The following PTPRO variants were observed in gnomAD, a reference collection of about 807,000 sequenced individuals.
The protein encoded by PTPRO is protein tyrosine phosphatase receptor type O.
In PTPRO, 62 loss-of-function variants were observed where a neutral mutation model predicts 145.2. The ratio of observed to expected loss-of-function variants is 0.43; its 90% CI spans 0.35 to 0.53. The LOEUF is 0.53. Ranked by LOEUF, PTPRO falls within the 20% of genes least tolerant of loss-of-function variation. PTPRO has a pLI of 0.01. For synonymous variants in PTPRO, 565 were observed against 514.7 expected, an observed-to-expected ratio of 1.10 and a Z score of -1.32; for missense variants, 1,345 against 1,482.7, an observed-to-expected ratio of 0.91 and a Z score of 1.53.
intron 12 of PTPRO, among the ~76,000 whole-genome samples, chr12:15,527,679 C>A (rs1189961787): frequency 6.6e-6 from 1 of 152,100 alleles, no homozygotes; most frequent in Non-Finnish European, 1.5e-5. Flanking sequence ...AGAGCCAAGG[C>A]AAATCTGGAC....
intron 1 of PTPRO, among the ~76,000 whole-genome samples, chr12:15,409,481 C>A (rs1458540847): frequency 2.0e-5 from 3 of 152,138 alleles, no homozygotes; most frequent in African/African-American, 7.2e-5. Flanking sequence ...AGGACGTATT[C>A]TTCCATCGTC....
chr12:15,354,182 A>G (rs903757658), intron 1 of PTPRO, among the ~76,000 whole-genome samples: 3 of 152,170 alleles, frequency 2.0e-5, no homozygotes, highest in African/African-American at 7.2e-5. Flanking sequence ...GGTCTGCCAC[A>G]ATGGGCTGCA....
At chr12:15,445,390 T>C (rs1186567722) in intron 1 of PTPRO, among the ~76,000 whole-genome samples, 2 of 152,192 alleles carry the variant, frequency 1.3e-5, no homozygotes. Context: ...TAAGTGCTTT[T>C]ATAAATGGCT....
At chr12:15,566,191 G>A (rs947959161) in intron 18 of PTPRO, among the ~76,000 whole-genome samples, 1 of 152,138 alleles carries the variant, frequency 6.6e-6, no homozygotes, top group Non-Finnish European at 1.5e-5. Context: ...GATTTCAAAA[G>A]CCTATTAGAT....
intron 1 of PTPRO, among the ~76,000 whole-genome samples, chr12:15,405,842 A>G (rs1939633752): frequency 6.6e-6 from 1 of 152,212 alleles, no homozygotes; most frequent in South Asian, 2.1e-4. Context: ...ATGGACCAAT[A>G]CAGTTACCAA....
chr12:15,322,885 C>G lies in PTPRO; in HGVS notation c.75+84C>G. ...GCCCTCGCTCTGCCGTTGGGAGCGG[C>G]GCGCCCCAGGGCACGATGGCCCAGC... On this transcript the variant is annotated intron_variant, in intron 1 of 26. Coordinates refer to ENST00000281171, the MANE Select transcript of PTPRO (RefSeq NM_030667.3). This position sits in a 1 kb window ranked among gnomAD's most constrained non-coding sequence, Gnocchi z 6.3. The G allele has an allele frequency of 1.4e-6, 2 of 1,426,912 alleles. No homozygotes were observed. The highest frequency in any genetic ancestry group is 1.9e-6 in the Non-Finnish European group (2 of 1,037,292). The allele number at this position is 1,426,912 out of a possible 1,614,324, so 88.4% of individuals were successfully genotyped here. A position where few individuals can be genotyped will look rare whatever the true frequency, so the allele number is the denominator to read the frequency against.
At chr12:15,505,734 C>T (rs6488779) in intron 6 of PTPRO, among the ~76,000 whole-genome samples, 147,618 of 152,328 alleles carry the variant, frequency 0.97, 71,673 homozygotes, top group Middle Eastern at 1. Context: ...GTTTGCTCAG[C>T]ATAATGTAGT....
chr12:15,323,530 C>T (rs995333152), intron 1 of PTPRO, among the ~76,000 whole-genome samples: 12 of 152,174 alleles, frequency 7.9e-5, no homozygotes, highest in Admixed American at 2.6e-4. Context: ...AAAGGAGTTG[C>T]TTTTGAAAAA....
At chr12:15,554,360 A>C (rs939504967) in intron 15 of PTPRO, among the ~76,000 whole-genome samples, 4 of 152,028 alleles carry the variant, frequency 2.6e-5, no homozygotes, top group East Asian at 3.9e-4. Context: ...CTAATAGTAC[A>C]TAGTAGTATA....
Position 15,580,023 on chromosome 12 carries a change from T to C in PTPRO, c.2921-16T>C. ...CATCTTGAATTTTAATATTTTTTTCTCCTTATTCTCTACAGATGACTTCAG... is the reference window on the plus strand; with the variant it reads ...CATCTTGAATTTTAATATTTTTTTCCCCTTATTCTCTACAGATGACTTCAG... On this transcript the variant is annotated splice_polypyrimidine_tract_variant and intron_variant, in intron 20 of 26. Coordinates refer to ENST00000281171, the MANE Select transcript of PTPRO (RefSeq NM_030667.3). 6.2e-7 allele frequency: 1 copy of C among 1,606,174 alleles called. No individual in the cohort carries two copies. The highest frequency in any genetic ancestry group is 8.5e-7 in the Non-Finnish European group (1 of 1,174,000).
chr12:15,580,959 T>A, intron 22 of PTPRO, 128 bp downstream of exon 22: 2 of 1,298,970 alleles, frequency 1.5e-6, no homozygotes, highest in African/African-American at 1.5e-5. Context: ...TAAAACATTG[T>A]ATTCGGGAAG....
intron 1 of PTPRO, among the ~76,000 whole-genome samples, chr12:15,328,786 T>C (rs1233232330): frequency 1.3e-5 from 2 of 152,250 alleles, no homozygotes; most frequent in Non-Finnish European, 2.9e-5. Context: ...TCTTTATAAA[T>C]AGGAATGCTG....
At chr12:15,380,773 C>T (rs527374278) in intron 1 of PTPRO, among the ~76,000 whole-genome samples, 2 of 152,146 alleles carry the variant, frequency 1.3e-5, no homozygotes, top group East Asian at 3.9e-4. Context: ...AAATTTAAAG[C>T]TTTTTTATTG....
At chr12:15,565,538 A>G (rs1220032925) in intron 17 of PTPRO, 55 bp from the exon 18 acceptor site, 2 of 1,165,230 alleles carry the variant, frequency 1.7e-6, no homozygotes, top group African/African-American at 3.0e-5. Context: ...TTTAATTATT[A>G]TGTTAATCAA....
chr12:15,448,359 A>AAAAAAAAAAAAAAAAAC (rs1565635339), intron 1 of PTPRO, among the ~76,000 whole-genome samples: 2 of 149,912 alleles, frequency 1.3e-5, no homozygotes, highest in African/African-American at 2.4e-5. Flanking sequence ...AAAAAAAAAA[A>AAAAAAAAAAAAAAAAAC]AGCACCGATT....
chr12:15,564,908 G>A (rs990252999), intron 17 of PTPRO, among the ~76,000 whole-genome samples: 1 of 152,164 alleles, frequency 6.6e-6, no homozygotes, highest in Admixed American at 6.6e-5. Flanking sequence ...TTACTTGGTT[G>A]GGTGAAAATC....
At chr12:15,427,284 CTCA>C (rs1277190826) in intron 1 of PTPRO, among the ~76,000 whole-genome samples, 1 of 151,696 alleles carries the variant, frequency 6.6e-6, no homozygotes, top group African/African-American at 2.4e-5. Context: ...TCTTTTATGC[CTCA>C]TGTTTTGGGA....
chr12:15,513,236 A>G (rs1252635952), intron 7 of PTPRO, among the ~76,000 whole-genome samples: 1 of 133,944 alleles, frequency 7.5e-6, no homozygotes, highest in Admixed American at 7.6e-5. Context: ...AAAAGAAAGA[A>G]AGAGGGAGGG....
At chr12:15,501,247 G>GT in intron 4 of PTPRO, among the ~76,000 whole-genome samples, 1 of 148,664 alleles carries the variant, frequency 6.7e-6, no homozygotes, top group East Asian at 2.0e-4. Flanking sequence ...TTTTGTTTTG[G>GT]TTTTTTTGTA....
Sources: allele counts gnomAD v4.1 joint callset (sites outside exome capture counted in the v4.1 genomes callset), GRCh38; gene constraint gnomAD v4.1.1; non-coding constraint Gnocchi (gnomAD v3.1); transcripts MANE v1.5; gene names NCBI Gene and HGNC (gene_info 2026-07-23, HGNC 2026-07-21).